Variants in KLHDC1 observed in about 807,000 individuals in gnomAD.
The protein encoded by KLHDC1 is kelch domain-containing protein 1.
A neutral mutation model predicts 68.3 loss-of-function variants in KLHDC1; 53 were observed. That is an observed-to-expected ratio of 0.78 (90% CI 0.62 to 0.98). KLHDC1 has a LOEUF of 0.98. KLHDC1 is among the 50% of genes least tolerant of loss of function. KLHDC1 has a pLI of 0.00. For missense variants in KLHDC1, 470 were observed against 492.3 expected (o/e 0.95, Z 0.43); for synonymous variants, 148 against 159.0 (o/e 0.93, Z 0.52).
chr14:49,723,253 A>C (rs1174692790), intron 4 of KLHDC1, among the ~76,000 whole-genome samples: 4 of 150,058 alleles, frequency 2.7e-5, no homozygotes, highest in Non-Finnish European at 5.9e-5. Context: ...GGGTAGGGAC[A>C]CAGCCAAACC....
At position 49,709,205 on chromosome 14, in the gene KLHDC1, C is replaced by A; in HGVS notation, c.143C>A (p.Thr48Asn). 2 of 1,372,086 alleles carry A rather than the reference C, an allele frequency of 1.5e-6. No individual in the cohort carries two copies. The highest frequency in any genetic ancestry group is 2.0e-6 in the Non-Finnish European group (2 of 976,644). 85.0% of individuals were successfully genotyped at this position (1,372,086 alleles called of 1,614,324 possible). A position where few individuals can be genotyped will look rare whatever the true frequency, so the allele number is the denominator to read the frequency against. Residue 48 changes from threonine (T) to asparagine (N), a missense_variant, in exon 2 of 13, where the codon ACC becomes AAC. Physicochemically the swap from Thr to Asn is moderately conservative, Grantham distance 65. Coordinates refer to ENST00000359332, the MANE Select transcript of KLHDC1 (RefSeq NM_172193.3). ...EVYLPNDEIWTYDIDSGLWRM... is the reference protein window; with the variant it reads ...EVYLPNDEIWNYDIDSGLWRM... ...TATTTGCCTAATGATGAAATTTGGA[C>A]CTATGATATTGATAGTGGGTTGTGG...
intron 11 of KLHDC1, 147 bp downstream of exon 11, chr14:49,740,329 G>A: frequency 1.7e-6 from 1 of 575,264 alleles, no homozygotes; most frequent in Non-Finnish European, 3.1e-6. Flanking sequence ...TCTTCAGGAT[G>A]ACTGGCTTTT....
Position 49,734,597 on chromosome 14 carries a change from T to C in KLHDC1, c.832T>C (p.Trp278Arg). The C allele has an allele frequency of 6.3e-7, 1 of 1,586,282 alleles. No homozygotes were observed. Among genetic ancestry groups the C allele is most frequent in the Non-Finnish European group, 8.6e-7 (1 of 1,162,202 alleles). The stretch of plus-strand genomic sequence containing the variant: ...CTGTCATGATATTGCAGGTGATGGT[T>C]GGATTCATAATGTCACAACAAATTG... ...SADNIPLSDG[W>R]IHNVTTNCWK... The change falls in exon 10 of 13, where the codon TGG becomes CGG. Residue 278 changes from tryptophan to arginine, a missense_variant. Physicochemically the swap from Trp to Arg is moderately radical, Grantham distance 101. Coordinates refer to ENST00000359332, the MANE Select transcript of KLHDC1 (RefSeq NM_172193.3).
intron 4 of KLHDC1, among the ~76,000 whole-genome samples, chr14:49,719,672 G>A (rs957781476): frequency 2.0e-5 from 3 of 151,810 alleles, no homozygotes; most frequent in African/African-American, 4.8e-5. Context: ...TCCTGACCTC[G>A]TGATCCACTT....
intron 1 of KLHDC1, 68 bp downstream of exon 1, chr14:49,693,358 C>G: frequency 2.7e-6 from 3 of 1,119,252 alleles, no homozygotes; most frequent in Non-Finnish European, 2.4e-6. Context: ...GACGCAGCGC[C>G]CGCCACACCC....
rs374154891 is a variant in KLHDC1 at position 49,695,116 on chromosome 14, A to ATATG, written c.96+1827_96+1828insATGT. 4.2e-5 allele frequency among the ~76,000 whole-genome samples: 6 copies of ATATG among 142,092 alleles called. No homozygotes were observed. The Admixed American group carries it at 4.3e-4, about 10-fold the overall frequency. The allele number at this position is 142,092 out of a possible 152,430, so 93.2% of individuals were successfully genotyped here. On this transcript the variant is annotated intron_variant, in intron 1 of 12. Transcript: ENST00000359332. ...CTCTGTAACATGCAATGCAGTTTTG[A>ATATG]TGTGTGTGTGTGTGTGTGTGTGTGT...
chr14:49,715,790 A>C (rs981382501), intron 4 of KLHDC1, among the ~76,000 whole-genome samples: 2 of 146,792 alleles, frequency 1.4e-5, no homozygotes, highest in African/African-American at 5.0e-5. Context: ...ATAATAAAAG[A>C]TAAAACATAG....
intron 10 of KLHDC1, among the ~76,000 whole-genome samples, chr14:49,738,123 G>T (rs549041331): frequency 6.6e-6 from 1 of 151,952 alleles, no homozygotes; most frequent in South Asian, 2.1e-4. Context: ...CGCCTCCTGG[G>T]TTCAAGCGAT....
chr14:49,742,070 T>G (rs1469961903), intron 11 of KLHDC1, among the ~76,000 whole-genome samples: 2 of 152,348 alleles, frequency 1.3e-5, no homozygotes, highest in East Asian at 3.9e-4. Flanking sequence ...ATTGAAAGTT[T>G]TAGAGCTTTC....
chr14:49,718,947 T>A (rs1438443891), intron 4 of KLHDC1, among the ~76,000 whole-genome samples: 1 of 151,518 alleles, frequency 6.6e-6, no homozygotes, highest in Non-Finnish European at 1.5e-5. Context: ...CACCTAATTT[T>A]TTTGTATTTT....
At chr14:49,729,225 A>G (rs1284873377) in intron 7 of KLHDC1, among the ~76,000 whole-genome samples, 1 of 152,242 alleles carries the variant, frequency 6.6e-6, no homozygotes, top group Non-Finnish European at 1.5e-5. Context: ...CTTTCAGTGC[A>G]GTATCAGAAA....
chr14:49,742,403 C>G (rs894561577), intron 11 of KLHDC1, among the ~76,000 whole-genome samples: 6 of 151,472 alleles, frequency 4.0e-5, no homozygotes, highest in Non-Finnish European at 8.8e-5. Flanking sequence ...GGCGTGGTGG[C>G]TCACGCCTGT....
At chr14:49,721,284 C>T (rs570202487) in intron 4 of KLHDC1, among the ~76,000 whole-genome samples, 1 of 152,198 alleles carries the variant, frequency 6.6e-6, no homozygotes, top group Non-Finnish European at 1.5e-5. Context: ...GCAATCTTCC[C>T]ACCTCAGCCA....
rs892895268 is a variant in KLHDC1 at position 49,708,935 on chromosome 14, T to C, written c.97-224T>C. 13 of 310,568 alleles carry C rather than the reference T, an allele frequency of 4.2e-5. 1 individual carries two copies. Among genetic ancestry groups the C allele is most frequent in the Middle Eastern group, 9.4e-4 (1 of 1,064 alleles). 19.2% of individuals were successfully genotyped at this position (310,568 alleles called of 1,614,324 possible). On this transcript the variant is annotated intron_variant, in intron 1 of 12. Transcript: ENST00000359332. ...GCCCTAATTATTTTCTTGAGACTTA[T>C]ATACTCGCTATGTTTTATTTTGATC... is the stretch of plus-strand genomic sequence containing the variant.
At chr14:49,716,689 T>C (rs1888387511) in intron 4 of KLHDC1, among the ~76,000 whole-genome samples, 1 of 152,194 alleles carries the variant, frequency 6.6e-6, no homozygotes, top group African/African-American at 2.4e-5. Flanking sequence ...CGGCTTGCTA[T>C]ACCTTTTTGA....
chr14:49,713,811 TATATATATATATATATATA>T (rs1888275209), intron 4 of KLHDC1, among the ~76,000 whole-genome samples: 1 of 3,762 alleles, frequency 2.7e-4, no homozygotes, highest in Non-Finnish European at 5.1e-4. Flanking sequence ...TATATATATA[TATATATATATATATATATA>T]TATATATATA....
intron 8 of KLHDC1, among the ~76,000 whole-genome samples, chr14:49,730,489 G>T (rs1370490161): frequency 6.6e-6 from 1 of 151,728 alleles, no homozygotes; most frequent in African/African-American, 2.4e-5. Flanking sequence ...CAAAGTGCTG[G>T]GATTACAGGC....
chr14:49,696,166 A>G (rs941356321), intron 1 of KLHDC1, among the ~76,000 whole-genome samples: 1 of 150,290 alleles, frequency 6.7e-6, no homozygotes, highest in East Asian at 2.0e-4. Flanking sequence ...ACATGAGCAC[A>G]TGCTGCTTCA....
intron 1 of KLHDC1, 48 bp downstream of exon 1, chr14:49,693,338 G>C: frequency 2.3e-6 from 3 of 1,291,174 alleles, no homozygotes; most frequent in African/African-American, 1.6e-5. Flanking sequence ...GGAGACCCTC[G>C]GCCTGAGCGG....
Sources: gnomAD v4.1 joint callset for allele counts (sites outside exome capture counted in the v4.1 genomes callset) on GRCh38, gnomAD v4.1.1 for gene constraint, MANE v1.5 for transcripts, NCBI Gene and HGNC (gene_info 2026-07-23, HGNC 2026-07-21) for gene names.